Variants in AKR1B15 observed in about 807,000 individuals in gnomAD.
AKR1B15 encodes aldo-keto reductase family 1 member B15.
A neutral mutation model predicts 38.5 loss-of-function variants in AKR1B15; 49 were observed. The observed-to-expected ratio is 1.27, with a 90% confidence interval of 1.01 to 1.62. The LOEUF is 1.62. Among genes scored for constraint, AKR1B15 ranks in the 40% most tolerant of loss-of-function variants. The pLI is 0.00. For missense variants in AKR1B15, 411 were observed against 381.6 expected (o/e 1.08, Z -0.64); for synonymous variants, 137 against 135.5 (o/e 1.01, Z -0.08).
intron 6 of AKR1B15, among the ~76,000 whole-genome samples, chr7:134,574,246 G>A (rs1255412826): frequency 6.6e-6 from 1 of 152,116 alleles, no homozygotes; most frequent in African/African-American, 2.4e-5. Context: ...ATTGAGAAGG[G>A]CTGCATAAAG....
At chr7:134,550,062 G>A (rs556686726) in intron 1 of AKR1B15, among the ~76,000 whole-genome samples, 1 of 152,172 alleles carries the variant, frequency 6.6e-6, no homozygotes, top group African/African-American at 2.4e-5. Context: ...CATACCCCAC[G>A]CCCCAACGAC....
intron 4 of AKR1B15, 147 bp downstream of exon 4, chr7:134,568,472 C>A (rs1794593193): frequency 5.5e-6 from 7 of 1,268,378 alleles, no homozygotes; most frequent in Middle Eastern, 1.9e-4. Flanking sequence ...ACAATACTAT[C>A]CATACTCCAA....
intron 2 of AKR1B15, among the ~76,000 whole-genome samples, chr7:134,562,854 CTTTCTTTCTT>C (rs1466188515): frequency 7.5e-6 from 1 of 133,542 alleles, no homozygotes; most frequent in African/African-American, 3.2e-5. Context: ...TTCTTTCTTT[CTTTCTTTCTT>C]TCTTTCTTTC....
At chr7:134,549,911 C>G (rs968158578) in intron 1 of AKR1B15, among the ~76,000 whole-genome samples, 39 of 152,152 alleles carry the variant, frequency 2.6e-4, no homozygotes, top group African/African-American at 8.0e-4. Flanking sequence ...GGTCAAATTC[C>G]TCATTAGTCG....
chr7:134,560,191 G>C (rs1180610869), intron 2 of AKR1B15, among the ~76,000 whole-genome samples: 2 of 152,020 alleles, frequency 1.3e-5, no homozygotes, highest in African/African-American at 4.8e-5. Flanking sequence ...CCTTGGCCCC[G>C]TCCTGGCCTT....
intron 3 of AKR1B15, among the ~76,000 whole-genome samples, chr7:134,567,299 G>A (rs976236647): frequency 2.0e-5 from 3 of 152,160 alleles, no homozygotes; most frequent in Admixed American, 6.5e-5. Flanking sequence ...TGTGATAATT[G>A]TATTTCCTTT....
At chr7:134,566,705 C>T (rs1433864141) in intron 3 of AKR1B15, among the ~76,000 whole-genome samples, 14 of 152,174 alleles carry the variant, frequency 9.2e-5, no homozygotes, top group Non-Finnish European at 1.9e-4. Flanking sequence ...GGCTCTCTTT[C>T]CTTCTGTGCA....
intron 2 of AKR1B15, among the ~76,000 whole-genome samples, chr7:134,560,837 G>C (rs932270694): frequency 1.3e-5 from 2 of 152,194 alleles, no homozygotes; most frequent in African/African-American, 4.8e-5. Flanking sequence ...AACATACTCT[G>C]CAAGGACCTC....
chr7:134,576,068 T>C (rs1488682136), intron 8 of AKR1B15, 141 bp downstream of exon 8: 9 of 1,427,640 alleles, frequency 6.3e-6, no homozygotes, highest in African/African-American at 5.8e-5. Flanking sequence ...ACAAATGGGA[T>C]GGCAGTGGGA....
chr7:134,559,557 A>T (rs1011360639), intron 2 of AKR1B15, among the ~76,000 whole-genome samples: 1 of 152,234 alleles, frequency 6.6e-6, no homozygotes, highest in Non-Finnish European at 1.5e-5. Context: ...GTTGAAGGAC[A>T]GATCCATTTC....
chr7:134,576,747 C>T (rs553889583), intron 9 of AKR1B15, among the ~76,000 whole-genome samples: 227 of 151,800 alleles, frequency 1.5e-3, no homozygotes, highest in African/African-American at 5.3e-3. Flanking sequence ...CTACTTTCTT[C>T]ATTCCTAAAA....
At chr7:134,557,295 G>A (rs1036474846) in intron 2 of AKR1B15, among the ~76,000 whole-genome samples, 2 of 152,096 alleles carry the variant, frequency 1.3e-5, no homozygotes, top group Non-Finnish European at 2.9e-5. Flanking sequence ...TCAATCTTAT[G>A]TATCTTAGAA....
chr7:134,566,596 A>G (rs904724367), intron 3 of AKR1B15, among the ~76,000 whole-genome samples: 47 of 152,260 alleles, frequency 3.1e-4, no homozygotes, highest in Middle Eastern at 3.4e-3. Flanking sequence ...ATTTCCATCC[A>G]TGATAGCACT....
intron 2 of AKR1B15, among the ~76,000 whole-genome samples, chr7:134,559,400 C>T (rs547115788): frequency 1.3e-5 from 2 of 152,174 alleles, no homozygotes; most frequent in East Asian, 3.9e-4. Context: ...TTATGACGAC[C>T]AAAACAAAAA....
chr7:134,579,249 C>T (rs1242837746), intron 11 of AKR1B15, among the ~76,000 whole-genome samples: 3 of 152,114 alleles, frequency 2.0e-5, no homozygotes, highest in African/African-American at 7.2e-5. Context: ...TCTGTCACCT[C>T]GCCTGACACC....
At chr7:134,557,894 A>G (rs1484289365) in intron 2 of AKR1B15, among the ~76,000 whole-genome samples, 2 of 152,208 alleles carry the variant, frequency 1.3e-5, no homozygotes, top group Non-Finnish European at 2.9e-5. Context: ...GTCGGTTACA[A>G]TAAAATAGCA....
chr7:134,573,095 A>C (rs758827122), intron 6 of AKR1B15, among the ~76,000 whole-genome samples: 5 of 152,240 alleles, frequency 3.3e-5, no homozygotes, highest in Non-Finnish European at 7.3e-5. Context: ...CAGTGACACC[A>C]TCTTGGCTCA....
chr7:134,567,570 G>T (rs759602553), intron 3 of AKR1B15, among the ~76,000 whole-genome samples: 2 of 151,908 alleles, frequency 1.3e-5, no homozygotes, highest in African/African-American at 4.8e-5. Context: ...CCATTTTGCC[G>T]ACAAGGTTTA....
chr7:134,551,445 C>T (rs1793973442), intron 1 of AKR1B15, among the ~76,000 whole-genome samples: 1 of 152,214 alleles, frequency 6.6e-6, no homozygotes. Flanking sequence ...TCCAGACTCA[C>T]CGGCCCACCT....
Sources: gnomAD v4.1 joint callset for allele counts (sites outside exome capture counted in the v4.1 genomes callset) on GRCh38, gnomAD v4.1.1 for gene constraint, MANE v1.5 for transcripts, NCBI Gene and HGNC (gene_info 2026-07-23, HGNC 2026-07-21) for gene names.